The following CENPP variants were observed in gnomAD, a reference collection of about 807,000 sequenced individuals.
CENPP encodes centromere protein P.
A neutral mutation model predicts 35.6 loss-of-function variants in CENPP; 24 were observed. That is an observed-to-expected ratio of 0.67 (90% confidence interval 0.49 to 0.95). The LOEUF (loss-of-function observed/expected upper bound fraction) is 0.95. Among genes scored for constraint, CENPP ranks in the 40% least tolerant of loss-of-function variants. CENPP has a pLI of 0.00. For missense variants in CENPP, 332 were observed against 345.3 expected, an observed-to-expected ratio of 0.96 and a Z score of 0.31; for synonymous variants, 120 against 125.5, an observed-to-expected ratio of 0.96 and a Z score of 0.29.
chr9:92,350,672 C>T (rs1337327866), intron 4 of CENPP, among the ~76,000 whole-genome samples: 2 of 152,114 alleles, frequency 1.3e-5, no homozygotes, highest in African/African-American at 4.8e-5. Context: ...TAGGCCCATA[C>T]TTTTTGGAAA....
intron 4 of CENPP, among the ~76,000 whole-genome samples, chr9:92,351,244 A>C (rs1327192071): frequency 6.6e-6 from 1 of 152,128 alleles, no homozygotes; most frequent in Non-Finnish European, 1.5e-5. Context: ...TAATCCCAGC[A>C]CTTTGGGAGG....
intron 5 of CENPP, among the ~76,000 whole-genome samples, chr9:92,439,360 GA>G (rs1258281310): frequency 6.6e-6 from 1 of 151,632 alleles, no homozygotes; most frequent in African/African-American, 2.4e-5. Context: ...CTTATTTTTG[GA>G]AAAAATAATT....
At chr9:92,505,521 A>T in intron 5 of CENPP, 1 of 1,576,488 alleles carries the variant, frequency 6.3e-7, no homozygotes, top group African/African-American at 1.4e-5. Context: ...CACTAAAAAA[A>T]TATATTGTTA....
At position 92,618,441 on chromosome 9, in the gene CENPP, C is replaced by T. The variant is rs1363628241; in HGVS notation, c.*5292C>T. 4.4e-6 allele frequency: 2 copies of T among 456,582 alleles called. No homozygotes were observed. Among genetic ancestry groups the T allele is most frequent in the Non-Finnish European group, 8.8e-6 (2 of 226,976 alleles). The allele number at this position is 456,582 out of a possible 1,614,324, so 28.3% of individuals were successfully genotyped here. On this transcript the variant is annotated 3_prime_UTR_variant, in exon 8 of 8. Transcript: ENST00000375587. Reference sequence around the variant, plus strand: ...CCCAGGTGCTAGACGAGGTGAGTAACATGTCTGTCCTTCAGCGGCCTTTCA... The same window carrying T: ...CCCAGGTGCTAGACGAGGTGAGTAATATGTCTGTCCTTCAGCGGCCTTTCA...
intron 5 of CENPP, among the ~76,000 whole-genome samples, chr9:92,585,865 T>C (rs536898382): frequency 6.6e-6 from 1 of 152,270 alleles, no homozygotes; most frequent in South Asian, 2.1e-4. Context: ...TAGCAGCCCA[T>C]GTTCTTGGTG....
chr9:92,381,307 A>G (rs1013019295), intron 5 of CENPP, among the ~76,000 whole-genome samples: 1 of 146,568 alleles, frequency 6.8e-6, no homozygotes, highest in Non-Finnish European at 1.5e-5. Context: ...TTTTTGAGAC[A>G]GGGTCTCACT....
intron 5 of CENPP, chr9:92,522,957 T>C: frequency 6.9e-7 from 1 of 1,446,074 alleles, no homozygotes; most frequent in Non-Finnish European, 9.1e-7. Flanking sequence ...AATTGGCTTA[T>C]ATATTTGCTT....
chr9:92,457,978 A>G (rs552907784), intron 5 of CENPP, among the ~76,000 whole-genome samples: 1 of 152,296 alleles, frequency 6.6e-6, no homozygotes, highest in East Asian at 1.9e-4. Flanking sequence ...TTAGGCTCAC[A>G]ATTTGATTGT....
chr9:92,466,700 A>T (rs1845328331), intron 5 of CENPP: 1 of 815,580 alleles, frequency 1.2e-6, no homozygotes, highest in Non-Finnish European at 1.9e-6. Flanking sequence ...CCCATGTAAA[A>T]ACTTTCCCAG....
At chr9:92,567,839 G>T (rs1247418904) in intron 5 of CENPP, among the ~76,000 whole-genome samples, 1 of 151,914 alleles carries the variant, frequency 6.6e-6, no homozygotes, top group African/African-American at 2.4e-5. Context: ...AAAGCAAATA[G>T]CTACAGAACT....
intron 5 of CENPP, chr9:92,496,537 T>C: frequency 6.4e-7 from 1 of 1,567,250 alleles, no homozygotes; most frequent in Non-Finnish European, 8.6e-7. Context: ...AATCTGCCTT[T>C]AGGAGTTAAG....
intron 5 of CENPP, among the ~76,000 whole-genome samples, chr9:92,448,045 C>A (rs549990336): frequency 6.6e-6 from 1 of 151,988 alleles, no homozygotes. Context: ...GAGAAGAGAC[C>A]AAATGAAGGA....
At chr9:92,505,358 G>T (rs1327084320) in intron 5 of CENPP, among the ~76,000 whole-genome samples, 2 of 151,888 alleles carry the variant, frequency 1.3e-5, no homozygotes, top group Non-Finnish European at 2.9e-5. Context: ...TTATAATTTC[G>T]ATTCAGAATT....
chr9:92,472,729 AG>A (rs1845572213), intron 5 of CENPP, among the ~76,000 whole-genome samples: 1 of 152,174 alleles, frequency 6.6e-6, no homozygotes, highest in South Asian at 2.1e-4. Context: ...GGGAAGAAGA[AG>A]GGGGGTAACT....
At chr9:92,384,000 A>C (rs1265049801) in intron 5 of CENPP, 1 of 152,206 alleles carries the variant, frequency 6.6e-6, no homozygotes, top group Non-Finnish European at 1.5e-5. Flanking sequence ...TGCAATATTT[A>C]TTATATATTC....
In CENPP at chr9:92,616,072, T is replaced by C. The variant is rs1305220530; in HGVS notation, c.*2923T>C. On this transcript the variant is annotated 3_prime_UTR_variant, in exon 8 of 8. Coordinates refer to ENST00000375587, the MANE Select transcript of CENPP (RefSeq NM_001012267.3). Reference sequence around the variant, plus strand: ...TTTGATCAGAGCTGCAAGTAAAAAGTACCATTTCAGGATACACAAGCCCCC... The same window carrying C: ...TTTGATCAGAGCTGCAAGTAAAAAGCACCATTTCAGGATACACAAGCCCCC... The C allele has an allele frequency of 6.3e-7, 1 of 1,587,692 alleles. No individual in the cohort carries two copies. Among genetic ancestry groups the C allele is most frequent in the Admixed American group, 1.7e-5 (1 of 58,654 alleles).
intron 5 of CENPP, among the ~76,000 whole-genome samples, chr9:92,602,337 A>G (rs1850943686): frequency 6.6e-6 from 1 of 152,166 alleles, no homozygotes; most frequent in Non-Finnish European, 1.5e-5. Context: ...TGGGACCCTC[A>G]CTGTCGTTGG....
chr9:92,359,362 G>T (rs764671285), intron 4 of CENPP, among the ~76,000 whole-genome samples: 3 of 151,750 alleles, frequency 2.0e-5, no homozygotes, highest in Non-Finnish European at 4.4e-5. Context: ...TCTTCCCCAG[G>T]GTTTACAGGC....
intron 5 of CENPP, among the ~76,000 whole-genome samples, chr9:92,479,188 T>G (rs1393493561): frequency 6.6e-6 from 1 of 152,040 alleles, no homozygotes; most frequent in East Asian, 1.9e-4. Flanking sequence ...TGGTCCTGCT[T>G]TTTTCCACAT....
Sources: gnomAD v4.1 joint callset for allele counts (sites outside exome capture counted in the v4.1 genomes callset) on GRCh38, gnomAD v4.1.1 for gene constraint, MANE v1.5 for transcripts, NCBI Gene and HGNC (gene_info 2026-07-23, HGNC 2026-07-21) for gene names.